The following CSMD1 variants were observed in gnomAD, a reference collection of about 807,000 sequenced individuals.
The protein encoded by CSMD1 is CUB and Sushi multiple domains 1.
Under a neutral mutation model 417.5 loss-of-function variants are expected in CSMD1, and 213 were observed. The ratio of observed to expected loss-of-function variants is 0.51; its 90% CI spans 0.46 to 0.57. CSMD1 has a LOEUF of 0.57. CSMD1 is among the 20% of genes least tolerant of loss of function. CSMD1 has a pLI of 0.00. For synonymous variants in CSMD1, 2,862 were observed against 1,736.8 expected, an observed-to-expected ratio of 1.65 and a Z score of -16.11; for missense variants, 6,923 against 4,529.7, an observed-to-expected ratio of 1.53 and a Z score of -15.17.
chr8:3,706,179 C>G (rs1295215561), intron 7 of CSMD1, among the ~76,000 whole-genome samples: 1 of 152,236 alleles, frequency 6.6e-6, no homozygotes, highest in Non-Finnish European at 1.5e-5. Flanking sequence ...ATGCCCACTG[C>G]ATGCCACACT....
chr8:3,406,216 C>T lies in CSMD1; in HGVS notation c.2077G>A (p.Gly693Ser), dbSNP rs1488638413. ...CCAGGATCATGGCACTCATTCTGAC[C>T]AAATGCTGAAAGAAAAAGAAGAAGA... ...RGFNITYTTF[G>S]QNECHDPGIP... is the part of the protein sequence containing the mutation. Residue 693 changes from glycine to serine, a missense_variant, in exon 15 of 70, where the codon GGT becomes AGT. Transcript: ENST00000635120. The T allele has an allele frequency of 6.3e-7, 1 of 1,594,798 alleles. No homozygotes were observed. The highest frequency in any genetic ancestry group is 8.5e-7 in the Non-Finnish European group (1 of 1,171,548).
At chr8:3,568,709 GTGTT>G (rs1799821532) in intron 10 of CSMD1, among the ~76,000 whole-genome samples, 2 of 151,944 alleles carry the variant, frequency 1.3e-5, no homozygotes, top group African/African-American at 2.4e-5. Context: ...ATAGGTGTGT[GTGTT>G]TATCTATGCA....
At chr8:4,514,515 C>T (rs1803010141) in intron 2 of CSMD1, among the ~76,000 whole-genome samples, 1 of 152,176 alleles carries the variant, frequency 6.6e-6, no homozygotes, top group African/African-American at 2.4e-5. Context: ...GAAGAGGGAA[C>T]ATCGTGAGTT....
At chr8:3,251,245 G>A (rs982872140) in intron 26 of CSMD1, among the ~76,000 whole-genome samples, 1 of 152,268 alleles carries the variant, frequency 6.6e-6, no homozygotes, top group South Asian at 2.1e-4. Context: ...TTTGTATAAG[G>A]TGTAAGGAAG....
At chr8:4,729,493 A>C (rs888479493) in intron 1 of CSMD1, among the ~76,000 whole-genome samples, 2 of 152,230 alleles carry the variant, frequency 1.3e-5, no homozygotes, top group African/African-American at 4.8e-5. Flanking sequence ...AGTCACACAA[A>C]AGTTTTCTTT....
intron 3 of CSMD1, among the ~76,000 whole-genome samples, chr8:4,346,380 T>C (rs910193668): frequency 8.5e-5 from 13 of 152,204 alleles, no homozygotes; most frequent in Middle Eastern, 3.2e-3. Context: ...GCTGCTTACC[T>C]GACCCCACAG....
chr8:4,173,681 G>A (rs991712469), intron 3 of CSMD1, among the ~76,000 whole-genome samples: 2 of 152,040 alleles, frequency 1.3e-5, no homozygotes, highest in African/African-American at 4.8e-5. Context: ...ACTGTAGTAG[G>A]AAAATTTCTG....
intron 3 of CSMD1, among the ~76,000 whole-genome samples, chr8:4,180,622 A>G (rs923876569): frequency 6.6e-6 from 1 of 152,268 alleles, no homozygotes; most frequent in Non-Finnish European, 1.5e-5. Context: ...AAAACAAAAC[A>G]GAACAAAACA....
chr8:3,530,432 G>A (rs1034125903), intron 10 of CSMD1, among the ~76,000 whole-genome samples: 2 of 152,110 alleles, frequency 1.3e-5, no homozygotes, highest in Non-Finnish European at 2.9e-5. Context: ...GTTTAGGTGT[G>A]TTGTTTAACT....
At chr8:4,689,479 G>T (rs1464044217) in intron 1 of CSMD1, among the ~76,000 whole-genome samples, 1 of 152,118 alleles carries the variant, frequency 6.6e-6, no homozygotes, top group Non-Finnish European at 1.5e-5. Context: ...GGAAAAAAGG[G>T]TTTTCTTTAT....
chr8:3,676,348 G>A (rs534404503), intron 7 of CSMD1, among the ~76,000 whole-genome samples: 11 of 152,206 alleles, frequency 7.2e-5, no homozygotes, highest in South Asian at 4.1e-4. Flanking sequence ...GTGGGTGGCC[G>A]CCCGCCAGGC....
intron 1 of CSMD1, among the ~76,000 whole-genome samples, chr8:4,952,105 C>G (rs1057022893): frequency 3.3e-5 from 5 of 151,612 alleles, no homozygotes; most frequent in Non-Finnish European, 7.4e-5. Context: ...CCAAATAGAT[C>G]TGAATAGTCT....
intron 1 of CSMD1, among the ~76,000 whole-genome samples, chr8:4,880,948 T>C (rs778092972): frequency 1.3e-5 from 2 of 152,082 alleles, no homozygotes; most frequent in Admixed American, 6.5e-5. Context: ...ACACCCAGAA[T>C]GGGCCAGGAA....
chr8:2,979,659 C>T (rs974555586), intron 54 of CSMD1, among the ~76,000 whole-genome samples: 1 of 152,176 alleles, frequency 6.6e-6, no homozygotes, highest in Non-Finnish European at 1.5e-5. Context: ...TGAAGACAAA[C>T]CCTGTACCCA....
intron 23 of CSMD1, among the ~76,000 whole-genome samples, chr8:3,337,918 G>T (rs1475595441): frequency 1.3e-5 from 2 of 152,140 alleles, no homozygotes; most frequent in African/African-American, 4.8e-5. Context: ...GGAATCACTG[G>T]TGCTTTGTGG....
intron 10 of CSMD1, among the ~76,000 whole-genome samples, chr8:3,523,963 T>G (rs1011577486): frequency 7.8e-5 from 7 of 89,268 alleles, no homozygotes; most frequent in African/African-American, 2.2e-4. Context: ...ACATGCACAC[T>G]TACACATGCA....
rs551430460 is a variant in CSMD1, at chr8:3,475,760, G to T, written c.1449-6936C>A. On this transcript the variant is annotated intron_variant, in intron 11 of 69. Coordinates refer to ENST00000635120, the MANE Select transcript of CSMD1 (RefSeq NM_033225.6). Reference sequence around the variant, plus strand: ...TCTCCAATTTCAAGTATGTGAAGCGGTTAACCCAAAATGAAGGAAATGATA... The same window carrying T: ...TCTCCAATTTCAAGTATGTGAAGCGTTTAACCCAAAATGAAGGAAATGATA... Among the ~76,000 whole-genome samples, 25 of 152,322 alleles carry T rather than the reference G, an allele frequency of 1.6e-4. No homozygotes were observed. The South Asian group carries it at 2.1e-3, about 13-fold the overall frequency.
chr8:3,131,578 T>G (rs369902086), intron 41 of CSMD1, among the ~76,000 whole-genome samples: 96 of 151,902 alleles, frequency 6.3e-4, no homozygotes, highest in African/African-American at 2.3e-3. Context: ...TTCAAGCAAT[T>G]CTCCTGCCTC....
At chr8:3,635,604 C>T (rs1034777704) in intron 7 of CSMD1, among the ~76,000 whole-genome samples, 3 of 151,314 alleles carry the variant, frequency 2.0e-5, no homozygotes, top group Non-Finnish European at 4.4e-5. Flanking sequence ...CTGCGTCAAC[C>T]TCCTGAGTAG....
Sources: gnomAD v4.1 joint callset for allele counts (sites outside exome capture counted in the v4.1 genomes callset) on GRCh38, gnomAD v4.1.1 for gene constraint, MANE v1.5 for transcripts, NCBI Gene and HGNC (gene_info 2026-07-23, HGNC 2026-07-21) for gene names.